Variants in PTK2B observed in about 807,000 individuals in gnomAD.
PTK2B encodes the protein protein-tyrosine kinase 2-beta.
PTK2B carries 71 observed loss-of-function variants against 142.9 expected under a neutral mutation model. The observed-to-expected ratio is 0.50, with a 90% CI of 0.41 to 0.61. The LOEUF is 0.61. PTK2B is among the 20% of genes least tolerant of loss of function. The pLI, the probability that PTK2B is intolerant of heterozygous loss-of-function variation, is 0.00. For missense variants in PTK2B, 1,105 were observed against 1,320.4 expected (o/e 0.84, Z 2.53); for synonymous variants, 519 against 503.4 (o/e 1.03, Z -0.42).
chr8:27,397,889 C>A lies in PTK2B; in HGVS notation c.204+101C>A, dbSNP rs557510142. 7 of 1,363,898 alleles carry A rather than the reference C, an allele frequency of 5.1e-6. No individual in the cohort carries two copies. The African/African-American group carries it at 9.9e-5, about 19-fold the overall frequency. The allele number at this position is 1,363,898 out of a possible 1,614,324, so 84.5% of individuals were successfully genotyped here. ...CAGCCTCGCAGCTCTCCCATATCCACCCCTGGGTGGAAGAGGTGAGGTGGC... is the reference window on the plus strand; with the variant it reads ...CAGCCTCGCAGCTCTCCCATATCCAACCCTGGGTGGAAGAGGTGAGGTGGC... On this transcript the variant is annotated intron_variant, in intron 2 of 30. Coordinates refer to ENST00000346049, the MANE Select transcript of PTK2B (RefSeq NM_173176.3).
At chr8:27,346,280 TA>T (rs1586127167) in intron 1 of PTK2B, among the ~76,000 whole-genome samples, 3 of 152,194 alleles carry the variant, frequency 2.0e-5, no homozygotes, top group African/African-American at 7.2e-5. Flanking sequence ...CTCATGCCTG[TA>T]ATCCTAGCAC....
intron 1 of PTK2B, among the ~76,000 whole-genome samples, chr8:27,352,921 T>C (rs1167285222): frequency 6.6e-6 from 1 of 152,238 alleles, no homozygotes; most frequent in Non-Finnish European, 1.5e-5. Flanking sequence ...AATGGACTAA[T>C]ACATTATTAT....
chr8:27,337,820 A>G (rs1804167103), intron 1 of PTK2B, among the ~76,000 whole-genome samples: 1 of 152,208 alleles, frequency 6.6e-6, no homozygotes, highest in Admixed American at 6.5e-5. Flanking sequence ...TACTGCTGCT[A>G]TAAACATTCA....
intron 1 of PTK2B, among the ~76,000 whole-genome samples, chr8:27,339,224 G>A (rs1563200979): frequency 1.3e-5 from 2 of 152,200 alleles, no homozygotes; most frequent in Non-Finnish European, 2.9e-5. Flanking sequence ...ACCAGAGTGG[G>A]ACCTTTAGGC....
intron 1 of PTK2B, among the ~76,000 whole-genome samples, chr8:27,378,409 A>G (rs1324711340): frequency 6.6e-6 from 1 of 152,196 alleles, no homozygotes; most frequent in African/African-American, 2.4e-5. Context: ...ATCACTTTAA[A>G]CAGTATGAAA....
chr8:27,434,080 CCT>C lies in PTK2B; in HGVS notation c.1106-8_1106-7del. The C allele has an allele frequency of 6.2e-7, 1 of 1,614,044 alleles. No homozygotes were observed. Among genetic ancestry groups the C allele is most frequent in the Non-Finnish European group, 8.5e-7 (1 of 1,179,904 alleles). On this transcript the variant is annotated splice_polypyrimidine_tract_variant and intron_variant, in intron 11 of 30. Transcript: ENST00000346049. ...CCCCAGCTCCAACCTCCTCCTTCCT[CCT>C]CTCTTCCTAGATGGTGAGAAGCGGA...
intron 2 of PTK2B, among the ~76,000 whole-genome samples, chr8:27,416,420 G>A (rs1809404397): frequency 6.6e-6 from 1 of 152,076 alleles, no homozygotes; most frequent in Non-Finnish European, 1.5e-5. Flanking sequence ...ATTTGGGAAG[G>A]GAAAGTCAAC....
rs1346297137 is a variant in PTK2B, at chr8:27,367,633, A to G, written c.-37-29915A>G. Among the ~76,000 whole-genome samples the G allele has an allele frequency of 2.0e-5, 3 of 152,232 alleles. No individual in the cohort carries two copies. In the East Asian group the frequency reaches 5.8e-4, roughly 29 times the overall value. On this transcript the variant is annotated intron_variant, in intron 1 of 30. Transcript: ENST00000346049. ...AGAGGCTGGGTAATTCATAAAGAAA[A>G]GAGGCTTAATTGGCTCATGGTTCTG...
At chr8:27,458,266 C>T in intron 30 of PTK2B, 28 bp from the exon 31 acceptor site, 1 of 1,604,210 alleles carries the variant, frequency 6.2e-7, no homozygotes, top group Non-Finnish European at 8.5e-7. Context: ...TGTGGCCTCT[C>T]AACCTGTCCT....
At position 27,436,248 on chromosome 8, in the gene PTK2B, C is replaced by G; in HGVS notation, c.1244-3C>G. The G allele has an allele frequency of 6.2e-7, 1 of 1,613,874 alleles. No individual in the cohort carries two copies. Among genetic ancestry groups the G allele is most frequent in the Non-Finnish European group, 8.5e-7 (1 of 1,179,844 alleles). Reference sequence around the variant, plus strand: ...TCTGCGACTGTTTTCTCTGTCTGTGCAGGTCCACAGTATGGCATTGCCCGT... The same window carrying G: ...TCTGCGACTGTTTTCTCTGTCTGTGGAGGTCCACAGTATGGCATTGCCCGT... On this transcript the variant is annotated splice_region_variant and splice_polypyrimidine_tract_variant and intron_variant, in intron 14 of 30. Transcript: ENST00000346049.
chr8:27,311,449 A>C, upstream of PTK2B: 1 of 623,286 alleles, frequency 1.6e-6, no homozygotes, highest in South Asian at 2.3e-5. Context: ...TGTGCGCGGG[A>C]AATCTTGGGA....
intron 27 of PTK2B, chr8:27,451,721 C>G (rs1487556792): frequency 1.1e-5 from 16 of 1,413,466 alleles, no homozygotes; most frequent in Non-Finnish European, 1.1e-5. Context: ...CTGCCCTTCT[C>G]TCTCTCAGTG....
In PTK2B at chr8:27,432,344, A is replaced by C. The variant is rs2132054241; in HGVS notation, c.970A>C (p.Ile324Leu). Reference protein sequence around the residue: ...EEGQAVLQLGIEGAPQALSIK... With the variant: ...EEGQAVLQLGLEGAPQALSIK... ...GGGCCAGGCAGTACTTCAGCTGGGC[A>C]TTGAAGGTGCCCCCCAGGTGAGTGT... The change falls in exon 10 of 31, where the codon ATT becomes CTT. Residue 324 changes from isoleucine to leucine, a missense_variant. By Grantham distance (5) the Ile-to-Leu change is conservative. Coordinates refer to ENST00000346049, the MANE Select transcript of PTK2B (RefSeq NM_173176.3). The C allele has an allele frequency of 6.2e-7, 1 of 1,613,876 alleles. No homozygotes were observed. Among genetic ancestry groups the C allele is most frequent in the Non-Finnish European group, 8.5e-7 (1 of 1,180,010 alleles).
chr8:27,429,227 C>T (rs1177392483), intron 5 of PTK2B, among the ~76,000 whole-genome samples: 2 of 152,200 alleles, frequency 1.3e-5, no homozygotes, highest in Non-Finnish European at 2.9e-5. Flanking sequence ...TTTCTAAAGA[C>T]AATGAACTGT....
chr8:27,322,166 T>C (rs943223536), upstream of PTK2B, among the ~76,000 whole-genome samples: 3 of 152,138 alleles, frequency 2.0e-5, no homozygotes, highest in African/African-American at 4.8e-5. Flanking sequence ...AGTTTTTGTA[T>C]TTATCCATTT....
intron 1 of PTK2B, among the ~76,000 whole-genome samples, chr8:27,333,251 G>A (rs1803866964): frequency 6.6e-6 from 1 of 152,178 alleles, no homozygotes; most frequent in Non-Finnish European, 1.5e-5. Flanking sequence ...AATCAGAGTT[G>A]GGGGTGGAAC....
At chr8:27,453,060 G>A in intron 27 of PTK2B, 54 bp from the exon 28 acceptor site, 2 of 1,599,006 alleles carry the variant, frequency 1.3e-6, no homozygotes, top group South Asian at 1.1e-5. Flanking sequence ...AGGTACGAAG[G>A]GAAGGGTTGG....
chr8:27,451,116 G>A (rs1586358783), intron 26 of PTK2B, 38 bp downstream of exon 26: 3 of 1,595,604 alleles, frequency 1.9e-6, no homozygotes, highest in East Asian at 4.5e-5. Flanking sequence ...CCATGCCAAG[G>A]CCTGGGAAGG....
At chr8:27,397,820 T>C in intron 2 of PTK2B, 32 bp downstream of exon 2, 1 of 1,606,010 alleles carries the variant, frequency 6.2e-7, no homozygotes, top group Non-Finnish European at 8.5e-7. Flanking sequence ...TGTCCATCTG[T>C]CTGTCCCTCT....
Sources: allele counts gnomAD v4.1 joint callset (sites outside exome capture counted in the v4.1 genomes callset), GRCh38; gene constraint gnomAD v4.1.1; transcripts MANE v1.5; gene names NCBI Gene and HGNC (gene_info 2026-07-23, HGNC 2026-07-21).